Variants in BNC2 observed in about 807,000 individuals in gnomAD.
BNC2 encodes the protein zinc finger protein basonuclin-2.
Under a neutral mutation model 76.3 loss-of-function variants are expected in BNC2, and 20 were observed. The observed-to-expected ratio is 0.26, with a 90% confidence interval of 0.18 to 0.38. The LOEUF (loss-of-function observed/expected upper bound fraction) is 0.38. BNC2 is among the 10% of genes least tolerant of loss of function. The pLI is 1.00. For missense variants in BNC2, 1,382 were observed against 1,399.8 expected (o/e 0.99, Z 0.20); for synonymous variants, 582 against 514.8 (o/e 1.13, Z -1.77).
At chr9:16,743,887 T>C (rs1028616101) in intron 1 of BNC2, among the ~76,000 whole-genome samples, 4 of 152,196 alleles carry the variant, frequency 2.6e-5, no homozygotes, top group Non-Finnish European at 5.9e-5. Flanking sequence ...GATAAATACA[T>C]AGATTTTGTT....
intron 5 of BNC2, among the ~76,000 whole-genome samples, chr9:16,540,359 A>G (rs1287979902): frequency 2.0e-5 from 3 of 152,054 alleles, no homozygotes; most frequent in Non-Finnish European, 4.4e-5. Flanking sequence ...TAAACACTCT[A>G]AGCTTCAAAC....
intron 5 of BNC2, among the ~76,000 whole-genome samples, chr9:16,498,131 A>ATG (rs1165825823): frequency 8.2e-6 from 1 of 122,510 alleles, no homozygotes; most frequent in East Asian, 2.2e-4. Flanking sequence ...ATTCTATCAT[A>ATG]TATATATTCT....
At chr9:16,498,960 A>T (rs73645989) in intron 5 of BNC2, among the ~76,000 whole-genome samples, 8,094 of 152,278 alleles carry the variant, frequency 0.053, 662 homozygotes, top group African/African-American at 0.17. Flanking sequence ...GAAACTCTAC[A>T]AATACTAGAC....
At chr9:16,630,146 G>T (rs944643221) in intron 3 of BNC2, among the ~76,000 whole-genome samples, 14 of 152,146 alleles carry the variant, frequency 9.2e-5, no homozygotes, top group Admixed American at 1.3e-4. Flanking sequence ...CAAGCCTGAA[G>T]AACAGACTTA....
At chr9:16,594,498 C>A (rs1279309937) in intron 3 of BNC2, among the ~76,000 whole-genome samples, 2 of 152,064 alleles carry the variant, frequency 1.3e-5, no homozygotes, top group African/African-American at 2.4e-5. Flanking sequence ...GGTAGGTGAC[C>A]TTTTAACTAA....
chr9:16,637,787 A>G (rs1821371100), intron 3 of BNC2, among the ~76,000 whole-genome samples: 1 of 152,228 alleles, frequency 6.6e-6, no homozygotes, highest in Admixed American at 6.5e-5. Flanking sequence ...AACTAGATTA[A>G]AAGAAAAAAA....
intron 1 of BNC2, among the ~76,000 whole-genome samples, chr9:16,833,168 GCCA>G (rs1460911359): frequency 2.0e-5 from 3 of 152,012 alleles, no homozygotes; most frequent in Non-Finnish European, 4.4e-5. Flanking sequence ...CCCTTCTCTT[GCCA>G]CCACCAATTT....
At chr9:16,665,860 A>C (rs1314738636) in intron 3 of BNC2, among the ~76,000 whole-genome samples, 1 of 152,030 alleles carries the variant, frequency 6.6e-6, no homozygotes, top group African/African-American at 2.4e-5. Flanking sequence ...TACCTGTTGA[A>C]CCTCTCCTAG....
At chr9:16,819,927 C>A (rs1818277811) in intron 1 of BNC2, among the ~76,000 whole-genome samples, 1 of 151,856 alleles carries the variant, frequency 6.6e-6, no homozygotes, top group African/African-American at 2.4e-5. Flanking sequence ...GAGTTCAAGT[C>A]CAGCCTGGCC....
chr9:16,575,169 A>G (rs1053164235), intron 4 of BNC2: 1 of 675,868 alleles, frequency 1.5e-6, no homozygotes, highest in African/African-American at 2.0e-5. Context: ...CAACTTGGCA[A>G]GATTCTACCT....
At chr9:16,549,503 T>A (rs1818593957) in intron 5 of BNC2, among the ~76,000 whole-genome samples, 1 of 152,192 alleles carries the variant, frequency 6.6e-6, no homozygotes, top group African/African-American at 2.4e-5. Context: ...TAATAGAGCA[T>A]TATGGGGTTC....
intron 3 of BNC2, among the ~76,000 whole-genome samples, chr9:16,597,411 T>C (rs1820122777): frequency 6.6e-6 from 1 of 152,160 alleles, no homozygotes; most frequent in South Asian, 2.1e-4. Context: ...GAAATTTTAA[T>C]ACATTTCAAC....
At chr9:16,868,868 T>C (rs527930650) in intron 1 of BNC2, among the ~76,000 whole-genome samples, 1 of 152,304 alleles carries the variant, frequency 6.6e-6, no homozygotes, top group East Asian at 1.9e-4. Flanking sequence ...CTAGGGTACA[T>C]CTTCAGATCA....
intron 1 of BNC2, among the ~76,000 whole-genome samples, chr9:16,749,376 T>C (rs1478944849): frequency 6.6e-6 from 1 of 152,084 alleles, no homozygotes; most frequent in Non-Finnish European, 1.5e-5. Context: ...CTAAGGAGAA[T>C]ATCAAAAGGC....
intron 1 of BNC2, among the ~76,000 whole-genome samples, chr9:16,841,254 A>G (rs1012148300): frequency 1.3e-5 from 2 of 152,174 alleles, no homozygotes; most frequent in African/African-American, 4.8e-5. Context: ...ACCCTAAGCA[A>G]TGACAGTTAT....
intron 3 of BNC2, among the ~76,000 whole-genome samples, chr9:16,679,182 A>C (rs1321956305): frequency 6.6e-6 from 1 of 151,986 alleles, no homozygotes; most frequent in Non-Finnish European, 1.5e-5. Context: ...ACCTCACTGC[A>C]CCTTTACCTG....
intron 3 of BNC2, among the ~76,000 whole-genome samples, chr9:16,713,048 G>A (rs1184536001): frequency 6.6e-6 from 1 of 152,198 alleles, no homozygotes; most frequent in East Asian, 1.9e-4. Context: ...GTAAGATCAG[G>A]CTGAGCAGGC....
intron 3 of BNC2, among the ~76,000 whole-genome samples, chr9:16,680,857 T>A (rs1306792694): frequency 6.6e-6 from 1 of 152,170 alleles, no homozygotes; most frequent in Admixed American, 6.5e-5. Flanking sequence ...CAGTGTACTT[T>A]CTCTTTTTTA....
chr9:16,469,497 G>C (rs1236545226), intron 5 of BNC2, among the ~76,000 whole-genome samples: 1 of 152,206 alleles, frequency 6.6e-6, no homozygotes, highest in African/African-American at 2.4e-5. Context: ...CTTAGCCATG[G>C]GGAACTGTAA....
Sources: gnomAD v4.1 joint callset for allele counts (sites outside exome capture counted in the v4.1 genomes callset) on GRCh38, gnomAD v4.1.1 for gene constraint, MANE v1.5 for transcripts, NCBI Gene and HGNC (gene_info 2026-07-23, HGNC 2026-07-21) for gene names.